TGM2: variants seen among roughly 807,000 people sequenced by gnomAD.
TGM2 encodes the protein transglutaminase 2, also known as protein-glutamine gamma-glutamyltransferase 2.
Under a neutral mutation model 75.6 loss-of-function variants are expected in TGM2, and 53 were observed. That is an observed-to-expected ratio of 0.70 (90% confidence interval 0.56 to 0.88). The LOEUF is 0.88. TGM2 is among the 40% of genes least tolerant of loss of function. TGM2 has a pLI of 0.00. For missense variants in TGM2, 842 were observed against 928.5 expected (o/e 0.91, Z 1.21); for synonymous variants, 374 against 381.1 (o/e 0.98, Z 0.22).
intron 3 of TGM2, among the ~76,000 whole-genome samples, chr20:38,152,447 G>C (rs551850359): frequency 2.5e-4 from 38 of 152,324 alleles, no homozygotes; most frequent in South Asian, 2.5e-3. Context: ...CAGCAGCCGG[G>C]GGGTGTGGGA....
chr20:38,167,980 C>T (rs1230390211), upstream of TGM2, among the ~76,000 whole-genome samples: 2 of 152,172 alleles, frequency 1.3e-5, no homozygotes, highest in Non-Finnish European at 2.9e-5. Context: ...ACTGAGTGAG[C>T]TAATTCATGG....
intron 6 of TGM2, 170 bp downstream of exon 6, chr20:38,146,547 G>T: frequency 1.3e-6 from 1 of 776,656 alleles, no homozygotes. Flanking sequence ...TGGAGGGATG[G>T]CTATTGGATA....
chr20:38,163,218 G>A (rs1367079315), intron 1 of TGM2, among the ~76,000 whole-genome samples: 1 of 151,138 alleles, frequency 6.6e-6, no homozygotes, highest in Non-Finnish European at 1.5e-5. Context: ...GGTCAGGATG[G>A]GGAAGCCCTT....
At chr20:38,144,158 A>T (rs1049469012) in intron 6 of TGM2, among the ~76,000 whole-genome samples, 1 of 152,102 alleles carries the variant, frequency 6.6e-6, no homozygotes, top group African/African-American at 2.4e-5. Context: ...GTGTCCCGGG[A>T]GGCCTCCTCA....
Position 38,130,070 on chromosome 20 carries a change from A to C in TGM2, c.*149T>G, listed in dbSNP as rs1252232433. On this transcript the variant is annotated 3_prime_UTR_variant, in exon 13 of 13. Transcript: ENST00000361475. ...CAGGCTCAGGAGGCTGAGATGGGCC[A>C]GGGGCACATTCCATTTCCGAGAGCC... 9.7e-7 allele frequency: 1 copy of C among 1,034,318 alleles called. No individual in the cohort carries two copies. The highest frequency in any genetic ancestry group is 1.4e-6 in the Non-Finnish European group (1 of 709,098). 64.1% of individuals were successfully genotyped at this position (1,034,318 alleles called of 1,614,324 possible). A position where few individuals can be genotyped will look rare whatever the true frequency, so the allele number is the denominator to read the frequency against.
chr20:38,148,643 A>G (rs1165752999), intron 4 of TGM2, among the ~76,000 whole-genome samples: 1 of 151,910 alleles, frequency 6.6e-6, no homozygotes, highest in Non-Finnish European at 1.5e-5. Context: ...CACCGTGCAA[A>G]CTTCAAGGCC....
intron 6 of TGM2, chr20:38,145,409 T>G (rs1425607440): frequency 6.6e-6 from 1 of 152,178 alleles, no homozygotes; most frequent in Non-Finnish European, 1.5e-5. Flanking sequence ...CTTCCCACAT[T>G]CATTTATTTA....
Position 38,130,178 on chromosome 20 carries a change from A to G in TGM2, c.*41T>C. 1.2e-6 allele frequency: 2 copies of G among 1,611,358 alleles called. No homozygotes were observed. Among genetic ancestry groups the G allele is most frequent in the Non-Finnish European group, 1.7e-6 (2 of 1,179,272 alleles). ...TCACTAGCTTGGGATAAGGATTGGG[A>G]TCAAGGTGGGGGCTCTCAGCAGGCT... On this transcript the variant is annotated 3_prime_UTR_variant, in exon 13 of 13. Transcript: ENST00000361475.
At chr20:38,161,737 C>T (rs974886835) in intron 1 of TGM2, 138 bp from the exon 2 acceptor site, 7 of 1,014,890 alleles carry the variant, frequency 6.9e-6, no homozygotes, top group Non-Finnish European at 1.1e-5. Context: ...ACTGACCTGT[C>T]TCCCCAGCCC....
At chr20:38,141,535 C>T in intron 7 of TGM2, 150 bp from the exon 8 acceptor site, 1 of 691,918 alleles carries the variant, frequency 1.4e-6, no homozygotes, top group Non-Finnish European at 2.6e-6. Context: ...CTTGTTCTTC[C>T]CCCCACGGGG....
intron 3 of TGM2, among the ~76,000 whole-genome samples, chr20:38,155,032 G>A (rs914495886): frequency 3.9e-5 from 6 of 152,208 alleles, no homozygotes; most frequent in African/African-American, 9.7e-5. Context: ...CTTGAACCTG[G>A]TGGGCAGAGG....
intron 2 of TGM2, among the ~76,000 whole-genome samples, chr20:38,158,609 C>G (rs2075216215): frequency 6.6e-6 from 1 of 152,232 alleles, no homozygotes; most frequent in East Asian, 1.9e-4. Flanking sequence ...TTGGAGGGAA[C>G]TTTATCCCTC....
intron 2 of TGM2, among the ~76,000 whole-genome samples, chr20:38,157,630 A>T (rs1315113136): frequency 1.3e-5 from 2 of 152,246 alleles, no homozygotes; most frequent in Non-Finnish European, 2.9e-5. Context: ...GGCCAGTAGC[A>T]GTACCTCCCT....
chr20:38,137,925 AC>A lies in TGM2; in HGVS notation c.1615+187del, dbSNP rs1051425767. On this transcript the variant is annotated intron_variant, in intron 10 of 12. Transcript: ENST00000361475. ...GGAAAACGGAGCCATGTTAGAATCC[AC>A]CCCCTCACTCTTGCAATAAGAATTA... 5 of 1,341,042 alleles carry A rather than the reference AC, an allele frequency of 3.7e-6. No homozygotes were observed. In the African/African-American group the frequency reaches 7.4e-5, roughly 20 times the overall value. The allele number at this position is 1,341,042 out of a possible 1,614,324, so 83.1% of individuals were successfully genotyped here. A position where few individuals can be genotyped will look rare whatever the true frequency, so the allele number is the denominator to read the frequency against.
chr20:38,132,256 G>T (rs2074842945), intron 11 of TGM2, 84 bp downstream of exon 11: 1 of 1,489,298 alleles, frequency 6.7e-7, no homozygotes, highest in Non-Finnish European at 9.4e-7. Context: ...AGGGATGCAG[G>T]TGTGTGGGGT....
intron 4 of TGM2, among the ~76,000 whole-genome samples, chr20:38,149,988 C>G (rs1416578640): frequency 1.3e-5 from 2 of 152,146 alleles, no homozygotes; most frequent in Admixed American, 6.5e-5. Context: ...GGTCATTGAA[C>G]ATTGAAACCT....
chr20:38,166,603 C>T (rs1412743250), upstream of TGM2: 2 of 152,214 alleles, frequency 1.3e-5, no homozygotes, highest in Non-Finnish European at 2.9e-5. Context: ...GGAGCAAGCT[C>T]TACATTCCAG....
At chr20:38,138,812 CCT>C (rs2074933107) in intron 9 of TGM2, among the ~76,000 whole-genome samples, 1 of 152,212 alleles carries the variant, frequency 6.6e-6, no homozygotes, top group South Asian at 2.1e-4. Context: ...CCTTTCCCTC[CCT>C]GTCTCTGATT....
chr20:38,137,761 G>C (rs904639566), intron 10 of TGM2, among the ~76,000 whole-genome samples: 13 of 152,226 alleles, frequency 8.5e-5, no homozygotes. Context: ...GGGCAGCAGA[G>C]GGTCTGTGAA....
Sources: gnomAD v4.1 joint callset for allele counts (sites outside exome capture counted in the v4.1 genomes callset) on GRCh38, gnomAD v4.1.1 for gene constraint, MANE v1.5 for transcripts, NCBI Gene and HGNC (gene_info 2026-07-23, HGNC 2026-07-21) for gene names.